The following DOT1L variants were observed in gnomAD, a reference collection of about 807,000 sequenced individuals.
DOT1L encodes DOT1 like histone lysine methyltransferase.
In DOT1L, 33 loss-of-function variants were observed where a neutral mutation model predicts 153.3. The ratio of observed to expected loss-of-function variants is 0.22; its 90% CI spans 0.16 to 0.29. The LOEUF is 0.29. Among genes scored for constraint, DOT1L ranks in the 10% least tolerant of loss-of-function variants. The pLI is 1.00. For synonymous variants in DOT1L, 1,135 were observed against 965.1 expected (o/e 1.18, Z -3.26); for missense variants, 1,847 against 2,119.9 (o/e 0.87, Z 2.53).
At chr19:2,227,281 T>G in intron 27 of DOT1L, 154 bp downstream of exon 27, 2 of 968,534 alleles carry the variant, frequency 2.1e-6, no homozygotes, top group Non-Finnish European at 3.3e-6. Flanking sequence ...GGTGGCGAAC[T>G]CCAGTCCTGT....
chr19:2,183,014 G>A (rs1461031139), intron 2 of DOT1L, among the ~76,000 whole-genome samples: 1 of 152,172 alleles, frequency 6.6e-6, no homozygotes, highest in Non-Finnish European at 1.5e-5. Context: ...TGGAGAGGCT[G>A]CTTTCTCCCG....
In DOT1L at chr19:2,208,750, C is replaced by T. The variant is rs1223653982; in HGVS notation, c.964-185C>T. 2.0e-5 allele frequency among the ~76,000 whole-genome samples: 3 copies of T among 152,158 alleles called. No individual in the cohort carries two copies. The highest frequency in any genetic ancestry group is 6.5e-5 in the Admixed American group (1 of 15,278). ...CTGGTGAATTGAGGGTGACGCCTGG[C>T]CACAGCTGGGTTAGTCACATCCGCG... is the stretch of plus-strand genomic sequence containing the variant. On this transcript the variant is annotated intron_variant, in intron 11 of 27. Transcript: ENST00000398665. This position sits in a 1 kb window ranked among gnomAD's most constrained non-coding sequence, Gnocchi z 4.4.
Position 2,217,645 on chromosome 19 carries a change from T to G in DOT1L, c.2545-127T>G, listed in dbSNP as rs1282469390. 1.5e-6 allele frequency: 2 copies of G among 1,374,952 alleles called. No individual in the cohort carries two copies. Among genetic ancestry groups the G allele is most frequent in the Non-Finnish European group, 2.0e-6 (2 of 1,019,702 alleles). 85.2% of individuals were successfully genotyped at this position (1,374,952 alleles called of 1,614,324 possible). A position where few individuals can be genotyped will look rare whatever the true frequency, so the allele number is the denominator to read the frequency against. The stretch of plus-strand genomic sequence containing the variant: ...GAGGGCCTGACTGCGTGGGGAAGGT[T>G]GCAGGGCCTTGGCAGCGTGGGGGCC... On this transcript the variant is annotated intron_variant, in intron 21 of 27. Coordinates refer to ENST00000398665, the MANE Select transcript of DOT1L (RefSeq NM_032482.3). This position sits in a 1 kb window ranked among gnomAD's most constrained non-coding sequence, Gnocchi z 7.3.
intron 7 of DOT1L, among the ~76,000 whole-genome samples, chr19:2,199,178 CAGGTCTTG>C (rs2023143052): frequency 1.3e-5 from 2 of 152,242 alleles, no homozygotes; most frequent in Non-Finnish European, 2.9e-5. Flanking sequence ...TGGACGGTGC[CAGGTCTTG>C]AGGTCTGGAG....
chr19:2,171,156 C>T (rs1176120761), intron 1 of DOT1L, among the ~76,000 whole-genome samples: 2 of 152,146 alleles, frequency 1.3e-5, no homozygotes, highest in Non-Finnish European at 2.9e-5. Context: ...TGGGGCCTTG[C>T]TGTGTTGCCC....
intron 27 of DOT1L, chr19:2,227,452 T>A (rs1227015692): frequency 1.7e-6 from 1 of 580,070 alleles, no homozygotes; most frequent in Non-Finnish European, 3.3e-6. Flanking sequence ...GGCAAGGCTC[T>A]GGGAGCTGGT....
intron 10 of DOT1L, 76 bp downstream of exon 10, chr19:2,206,873 C>T (rs2023517894): frequency 6.9e-7 from 1 of 1,440,476 alleles, no homozygotes; most frequent in Non-Finnish European, 9.7e-7. Flanking sequence ...CTAGGTCCCT[C>T]TTCCTTGACC....
chr19:2,189,718 C>T lies in DOT1L; in HGVS notation c.201-14C>T. On this transcript the variant is annotated splice_polypyrimidine_tract_variant and intron_variant, in intron 3 of 27. Coordinates refer to ENST00000398665, the MANE Select transcript of DOT1L (RefSeq NM_032482.3). Reference sequence around the variant, plus strand: ...CCTGCCCGCATGACCAGGGCCTTCCCTTGCCTTTTTCAGCTTCGAGAGCAT... The same window carrying T: ...CCTGCCCGCATGACCAGGGCCTTCCTTTGCCTTTTTCAGCTTCGAGAGCAT... 6.2e-7 allele frequency: 1 copy of T among 1,609,710 alleles called. No homozygotes were observed. The highest frequency in any genetic ancestry group is 1.1e-5 in the South Asian group (1 of 91,084).
intron 22 of DOT1L, among the ~76,000 whole-genome samples, chr19:2,219,727 A>G (rs904550302): frequency 2.6e-5 from 4 of 152,040 alleles, no homozygotes; most frequent in South Asian, 2.1e-4. Flanking sequence ...TGTTCTCGCA[A>G]GCGCCCTCCT....
rs1325955307 is a variant in DOT1L, at chr19:2,199,554, C to T, written c.652-330C>T. 3.3e-5 allele frequency among the ~76,000 whole-genome samples: 5 copies of T among 152,330 alleles called. No individual in the cohort carries two copies. In the South Asian group the frequency reaches 6.2e-4, roughly 19 times the overall value. ...AGTGGCTGCAGCCCCTGATTTTGAGCTTACATTTCTAGGAGACTGCAGCGT... is the reference window on the plus strand; with the variant it reads ...AGTGGCTGCAGCCCCTGATTTTGAGTTTACATTTCTAGGAGACTGCAGCGT... On this transcript the variant is annotated intron_variant, in intron 7 of 27. Transcript: ENST00000398665.
Position 2,199,959 on chromosome 19 carries a change from T to C in DOT1L, c.707+20T>C. On this transcript the variant is annotated intron_variant, in intron 8 of 27. Coordinates refer to ENST00000398665, the MANE Select transcript of DOT1L (RefSeq NM_032482.3). ...CACGAGGTATGGCCAGCGTGGGGCA[T>C]GCAGGGCATGTGGGGTGTGCGCTCA... 1.2e-6 allele frequency: 2 copies of C among 1,613,344 alleles called. No individual in the cohort carries two copies. The highest frequency in any genetic ancestry group is 8.5e-7 in the Non-Finnish European group (1 of 1,179,538).
At chr19:2,205,062 C>G (rs143945807) in intron 9 of DOT1L, among the ~76,000 whole-genome samples, 102 of 152,186 alleles carry the variant, frequency 6.7e-4, no homozygotes, top group African/African-American at 2.5e-3. Flanking sequence ...GCTCCGCCTC[C>G]CAGGTTCACG....
At chr19:2,183,889 C>T (rs1271730775) in intron 2 of DOT1L, among the ~76,000 whole-genome samples, 236 of 143,182 alleles carry the variant, frequency 1.6e-3, no homozygotes, top group Middle Eastern at 3.4e-3. Context: ...CCTCCCAAAG[C>T]ACTGGGATTA....
Position 2,208,520 on chromosome 19 carries a change from C to G in DOT1L, c.964-415C>G, listed in dbSNP as rs897382049. On this transcript the variant is annotated intron_variant, in intron 11 of 27. Coordinates refer to ENST00000398665, the MANE Select transcript of DOT1L (RefSeq NM_032482.3). The surrounding 1 kb of genome is among the most constrained non-coding windows in gnomAD (Gnocchi z 4.4). ...GAGGCTGAGGCTCTGGGGGCTTGGC[C>G]TACCGTGCGGCCCCCACCTCCACGC... 5.9e-5 allele frequency among the ~76,000 whole-genome samples: 9 copies of G among 152,168 alleles called. No individual in the cohort carries two copies. Among genetic ancestry groups the G allele is most frequent in the Admixed American group, 3.3e-4 (5 of 15,284 alleles).
At chr19:2,218,760 G>T (rs1051806487) in intron 22 of DOT1L, among the ~76,000 whole-genome samples, 5 of 150,352 alleles carry the variant, frequency 3.3e-5, no homozygotes, top group African/African-American at 4.9e-5. Context: ...GCAATTGTGT[G>T]ATCTCGGCTC....
At chr19:2,164,881 C>T (rs1358297203) in intron 1 of DOT1L, among the ~76,000 whole-genome samples, 2 of 152,270 alleles carry the variant, frequency 1.3e-5, no homozygotes, top group East Asian at 1.9e-4. Context: ...CCTGTTAATC[C>T]TAGTTGGTTG....
chr19:2,196,872 C>T (rs562910043), intron 7 of DOT1L, among the ~76,000 whole-genome samples: 1 of 152,212 alleles, frequency 6.6e-6, no homozygotes, highest in African/African-American at 2.4e-5. Flanking sequence ...TGTGGATGCT[C>T]TCCCTCGGGT....
At chr19:2,212,362 CTG>C (rs1437838360) in intron 16 of DOT1L, 2 of 152,838 alleles carry the variant, frequency 1.3e-5, no homozygotes, top group Non-Finnish European at 2.9e-5. Context: ...CGGGGTCTCA[CTG>C]TGTTGGCCAG....
intron 9 of DOT1L, among the ~76,000 whole-genome samples, chr19:2,205,260 G>A (rs915378205): frequency 4.6e-5 from 7 of 152,066 alleles, no homozygotes; most frequent in African/African-American, 1.2e-4. Flanking sequence ...ATGAGCCACC[G>A]CACCTGGCCC....
Sources: allele counts gnomAD v4.1 joint callset (sites outside exome capture counted in the v4.1 genomes callset), GRCh38; gene constraint gnomAD v4.1.1; non-coding constraint Gnocchi (gnomAD v3.1); transcripts MANE v1.5; gene names NCBI Gene and HGNC (gene_info 2026-07-23, HGNC 2026-07-21).